Variants in STAG1 observed in about 807,000 individuals in gnomAD.
STAG1 encodes the protein STAG1 cohesin complex component.
Under a neutral mutation model 170.9 loss-of-function variants are expected in STAG1, and 26 were observed. That is an observed-to-expected ratio of 0.15 (90% CI 0.11 to 0.21). The LOEUF is 0.21. Among genes scored for constraint, STAG1 ranks in the 10% least tolerant of loss-of-function variants. The pLI, the probability that STAG1 is intolerant of heterozygous loss-of-function variation, is 1.00. For missense variants in STAG1, 964 were observed against 1,509.5 expected (o/e 0.64, Z 5.99); for synonymous variants, 514 against 497.7 (o/e 1.03, Z -0.44).
At chr3:136,528,415 A>C (rs1330281708) in intron 6 of STAG1, among the ~76,000 whole-genome samples, 1 of 151,986 alleles carries the variant, frequency 6.6e-6, no homozygotes, top group Non-Finnish European at 1.5e-5. Context: ...TCAATTAAGG[A>C]AACAGGAAAC....
intron 23 of STAG1, among the ~76,000 whole-genome samples, chr3:136,370,752 G>C (rs540072851): frequency 2.0e-5 from 3 of 152,212 alleles, no homozygotes; most frequent in Admixed American, 2.0e-4. Context: ...TCTTAATCTG[G>C]TCTATCATTG....
chr3:136,527,119 C>T (rs1935075178), intron 6 of STAG1, among the ~76,000 whole-genome samples: 1 of 152,130 alleles, frequency 6.6e-6, no homozygotes. Flanking sequence ...CTCTGTATTT[C>T]CTGAATTTGA....
chr3:136,618,616 G>A (rs1219550426), intron 3 of STAG1, among the ~76,000 whole-genome samples: 1 of 152,146 alleles, frequency 6.6e-6, no homozygotes, highest in African/African-American at 2.4e-5. Context: ...AGACTAAAGA[G>A]GGGTTAAGGT....
chr3:136,509,846 T>C (rs757549174), intron 7 of STAG1, among the ~76,000 whole-genome samples: 10 of 152,312 alleles, frequency 6.6e-5, no homozygotes, highest in Non-Finnish European at 1.3e-4. Flanking sequence ...TTATATTTAG[T>C]GATACCTATT....
chr3:136,681,613 A>G (rs1392114193), intron 1 of STAG1, among the ~76,000 whole-genome samples: 1 of 152,198 alleles, frequency 6.6e-6, no homozygotes, highest in Non-Finnish European at 1.5e-5. Context: ...AAAAAAGATA[A>G]CTTCATTTTT....
chr3:136,750,910 T>G (rs774008516), intron 1 of STAG1, among the ~76,000 whole-genome samples: 2 of 152,254 alleles, frequency 1.3e-5, no homozygotes, highest in Non-Finnish European at 2.9e-5. Flanking sequence ...TTATTTTTAT[T>G]TTCACTCTTC....
chr3:136,601,328 C>T (rs1418244600), intron 4 of STAG1, among the ~76,000 whole-genome samples: 1 of 151,844 alleles, frequency 6.6e-6, no homozygotes, highest in African/African-American at 2.4e-5. Context: ...AAAAAAATTA[C>T]AAACGTTTAT....
intron 14 of STAG1, among the ~76,000 whole-genome samples, chr3:136,450,362 A>G (rs760123951): frequency 6.6e-6 from 1 of 152,182 alleles, no homozygotes; most frequent in Non-Finnish European, 1.5e-5. Context: ...TTGCATACAC[A>G]TTTAAAATAC....
intron 6 of STAG1, among the ~76,000 whole-genome samples, chr3:136,530,118 C>A (rs900641350): frequency 1.3e-5 from 2 of 151,920 alleles, no homozygotes; most frequent in Admixed American, 1.3e-4. Flanking sequence ...AACTGTACAT[C>A]AAAAACAGTC....
intron 21 of STAG1, among the ~76,000 whole-genome samples, chr3:136,406,928 T>C (rs986099111): frequency 2.0e-5 from 3 of 152,246 alleles, no homozygotes; most frequent in Non-Finnish European, 4.4e-5. Context: ...AATTTTATTG[T>C]CAAGCTTACA....
chr3:136,701,708 T>A (rs971588993), intron 1 of STAG1, among the ~76,000 whole-genome samples: 1 of 152,212 alleles, frequency 6.6e-6, no homozygotes, highest in South Asian at 2.1e-4. Context: ...TAAATCAGTA[T>A]CCCTGGAATA....
chr3:136,574,146 CAGG>C, intron 4 of STAG1, among the ~76,000 whole-genome samples: 1 of 152,060 alleles, frequency 6.6e-6, no homozygotes, highest in South Asian at 2.1e-4. Flanking sequence ...GAGGCTGAGG[CAGG>C]AGAATTGGTT....
intron 30 of STAG1, among the ~76,000 whole-genome samples, chr3:136,343,607 G>A (rs1309684265): frequency 6.6e-6 from 1 of 152,090 alleles, no homozygotes; most frequent in Admixed American, 6.6e-5. Flanking sequence ...ATTAGCACCT[G>A]GTGAGACACC....
At chr3:136,475,082 A>AT (rs1441013348) in intron 10 of STAG1, among the ~76,000 whole-genome samples, 1 of 135,628 alleles carries the variant, frequency 7.4e-6, no homozygotes, top group African/African-American at 2.9e-5. Flanking sequence ...CTGAAACCAC[A>AT]TTTTCATTAG....
At chr3:136,699,361 C>G (rs1942982053) in intron 1 of STAG1, among the ~76,000 whole-genome samples, 1 of 152,090 alleles carries the variant, frequency 6.6e-6, no homozygotes, top group South Asian at 2.1e-4. Context: ...AATATTATTA[C>G]TATCTCTAGA....
intron 13 of STAG1, among the ~76,000 whole-genome samples, chr3:136,452,454 C>T (rs1178926289): frequency 6.6e-6 from 1 of 151,486 alleles, no homozygotes; most frequent in East Asian, 2.0e-4. Flanking sequence ...GTCCCAGCTA[C>T]TTGGGAGGCT....
At chr3:136,449,151 A>T (rs2107771955) in intron 14 of STAG1, among the ~76,000 whole-genome samples, 1 of 152,330 alleles carries the variant, frequency 6.6e-6, no homozygotes, top group Admixed American at 6.5e-5. Flanking sequence ...GATTTTCACA[A>T]AGAATATTTC....
rs560722126 is a variant in STAG1, at chr3:136,400,539, C to CT, written c.2197-1711dup. Among the ~76,000 whole-genome samples, 724 of 139,754 alleles carry CT rather than the reference C, an allele frequency of 5.2e-3. 1 individual carries two copies. The highest frequency in any genetic ancestry group is 7.9e-3 in the African/African-American group (302 of 38,276). 91.7% of individuals were successfully genotyped at this position (139,754 alleles called of 152,430 possible). A position where few individuals can be genotyped will look rare whatever the true frequency, so the allele number is the denominator to read the frequency against. ...CCCGGCCGCAACATAAATTTTCTTTCTTTTTTTTTTTTTTGAGACGAAGTC... is the reference window on the plus strand; with the variant it reads ...CCCGGCCGCAACATAAATTTTCTTTCTTTTTTTTTTTTTTTGAGACGAAGTC... On this transcript the variant is annotated intron_variant, in intron 21 of 33. Transcript: ENST00000383202.
chr3:136,339,903 ATT>A (rs887030330), intron 32 of STAG1, among the ~76,000 whole-genome samples: 6 of 152,220 alleles, frequency 3.9e-5, no homozygotes, highest in African/African-American at 1.4e-4. Context: ...AGCACCGTGG[ATT>A]TTTGTCAGGC....
Sources: allele counts gnomAD v4.1 joint callset (sites outside exome capture counted in the v4.1 genomes callset), GRCh38; gene constraint gnomAD v4.1.1; transcripts MANE v1.5; gene names NCBI Gene and HGNC (gene_info 2026-07-23, HGNC 2026-07-21).